Variants in ABLIM1 observed in about 807,000 individuals in gnomAD.
ABLIM1 encodes actin binding LIM protein 1, also known as actin-binding LIM protein 1.
A neutral mutation model predicts 107.0 loss-of-function variants in ABLIM1; 40 were observed. The ratio of observed to expected loss-of-function variants is 0.37; its 90% confidence interval spans 0.29 to 0.49. The LOEUF (loss-of-function observed/expected upper bound fraction) is 0.49, where lower values mean the gene tolerates loss of function less well. ABLIM1 is among the 20% of genes least tolerant of loss of function. ABLIM1 has a pLI of 0.97. For synonymous variants in ABLIM1, 357 were observed against 357.3 expected (o/e 1.00, Z 0.01); for missense variants, 857 against 1,008.5 (o/e 0.85, Z 2.04).
At chr10:114,443,995 T>C in intron 17 of ABLIM1, 34 bp downstream of exon 17, 1 of 1,563,932 alleles carries the variant, frequency 6.4e-7, no homozygotes, top group Non-Finnish European at 8.7e-7. Context: ...TGGCTGGCTC[T>C]CGAATCAGGG....
rs778516698 is a variant in ABLIM1, at chr10:114,601,827, C to T, written c.379G>A (p.Val127Met). Residue 127 changes from valine (V) to methionine (M), a missense_variant and splice_region_variant, in exon 2 of 23, where the codon GTG becomes ATG. Around this residue, in one of 5 missense-constraint regions of ABLIM1, gnomAD observed 176 missense variants for 173.5 expected, o/e 1.01. Coordinates refer to ENST00000533213, the MANE Select transcript of ABLIM1 (RefSeq NM_002313.7). ...HFHIKCFTCK[V>M]CGCDLAQGGF... The stretch of plus-strand genomic sequence containing the variant: ...AGCCACGAAGCTGGAGGCACCATAC[C>T]TTTGCAGGTGAAACACTTGATGTGG... 1 of 1,614,174 alleles carries T rather than the reference C, an allele frequency of 6.2e-7. No homozygotes were observed. Among genetic ancestry groups the T allele is most frequent in the Non-Finnish European group, 8.5e-7 (1 of 1,180,022 alleles).
intron 6 of ABLIM1, among the ~76,000 whole-genome samples, chr10:114,492,546 C>T (rs1033024372): frequency 4.6e-5 from 7 of 152,106 alleles, no homozygotes; most frequent in Non-Finnish European, 8.8e-5. Flanking sequence ...TGTTGACTTC[C>T]CCAAAGCAAA....
rs932975621 is a variant in ABLIM1 at position 114,439,909 on chromosome 10, T to C, written c.2067+173A>G. On this transcript the variant is annotated intron_variant, in intron 20 of 22. Coordinates refer to ENST00000533213, the MANE Select transcript of ABLIM1 (RefSeq NM_002313.7). ...GTCCCCAAGGCCTGCAGGGACAGCT[T>C]GACCCAGGCACCAGGCATGTCTGCT... is the stretch of plus-strand genomic sequence containing the variant. 3.5e-6 allele frequency: 4 copies of C among 1,144,256 alleles called. No homozygotes were observed. The Admixed American group carries it at 7.0e-5, about 20-fold the overall frequency. 70.9% of individuals were successfully genotyped at this position (1,144,256 alleles called of 1,614,324 possible).
chr10:114,774,197 A>G, the ABLIM1 span, among the ~76,000 whole-genome samples: 18,234 of 152,200 alleles, frequency 0.12, 1,651 homozygotes, highest in East Asian at 0.45. Context: ...GTCTTCCCAA[A>G]TCAAACAACA....
intron 6 of ABLIM1, among the ~76,000 whole-genome samples, chr10:114,509,630 AAAGTT>A (rs2061584578): frequency 6.6e-6 from 1 of 152,176 alleles, no homozygotes; most frequent in Non-Finnish European, 1.5e-5. Context: ...CCTACTGAAA[AAAGTT>A]AAGTTTTCTA....
rs550719731 is a variant in ABLIM1 at position 114,459,104 on chromosome 10, T to C, written c.1442-5621A>G. On this transcript the variant is annotated intron_variant, in intron 12 of 22. Transcript: ENST00000533213. ...AGTGAGGCCCCAGGCCTGGGTCACA[T>C]GCTGCAAAAACAAGGAACAGGAAGT... Among the ~76,000 whole-genome samples the C allele has an allele frequency of 4.6e-5, 7 of 152,322 alleles. No individual in the cohort carries two copies. The East Asian group carries it at 1.2e-3, about 25-fold the overall frequency.
At chr10:114,798,353 G>A in the ABLIM1 span, among the ~76,000 whole-genome samples, 1 of 152,094 alleles carries the variant, frequency 6.6e-6, no homozygotes, top group African/African-American at 2.4e-5. Flanking sequence ...GAACCCAGGA[G>A]GCAGAGGTTG....
chr10:114,530,597 G>C (rs888968301), intron 6 of ABLIM1, among the ~76,000 whole-genome samples: 6 of 152,222 alleles, frequency 3.9e-5, no homozygotes, highest in African/African-American at 1.4e-4. Flanking sequence ...GCAGTAGGGT[G>C]ATCTCGGCTT....
intron 6 of ABLIM1, among the ~76,000 whole-genome samples, chr10:114,497,148 C>A (rs1590451442): frequency 6.6e-6 from 1 of 152,192 alleles, no homozygotes; most frequent in African/African-American, 2.4e-5. Context: ...AGATAATAAG[C>A]TTGCAATTCA....
intron 1 of ABLIM1, among the ~76,000 whole-genome samples, chr10:114,666,712 A>G (rs990792364): frequency 3.3e-5 from 5 of 152,196 alleles, no homozygotes; most frequent in Admixed American, 1.3e-4. Flanking sequence ...GATATCCTTG[A>G]TAGTTCCTGG....
At chr10:114,478,807 T>C (rs906117216) in intron 8 of ABLIM1, among the ~76,000 whole-genome samples, 3 of 152,242 alleles carry the variant, frequency 2.0e-5, no homozygotes, top group African/African-American at 4.8e-5. Flanking sequence ...ACTGTTTGTT[T>C]TTGCTTCATT....
the ABLIM1 span, among the ~76,000 whole-genome samples, chr10:114,801,135 CA>C: frequency 1.3e-5 from 2 of 151,762 alleles, no homozygotes; most frequent in Admixed American, 6.6e-5. Flanking sequence ...AAAATGATGC[CA>C]GGGGTAGTGG....
At chr10:114,562,616 A>G (rs1269180135) in intron 4 of ABLIM1, among the ~76,000 whole-genome samples, 3 of 152,246 alleles carry the variant, frequency 2.0e-5, no homozygotes, top group African/African-American at 4.8e-5. Context: ...CCTGTTAAGT[A>G]AGGGAAAACA....
chr10:114,566,049 C>G (rs1445244971), intron 4 of ABLIM1, among the ~76,000 whole-genome samples: 2 of 152,174 alleles, frequency 1.3e-5, no homozygotes, highest in African/African-American at 4.8e-5. Context: ...CCTGCCTCGG[C>G]CTCCCAAAGT....
At chr10:114,652,344 G>T (rs781763266) in intron 1 of ABLIM1, among the ~76,000 whole-genome samples, 1 of 152,154 alleles carries the variant, frequency 6.6e-6, no homozygotes, top group Non-Finnish European at 1.5e-5. Context: ...CACACTAAAA[G>T]AAAAATATTA....
chr10:114,703,684 T>G lies in ABLIM1; in HGVS notation c.-213+64377A>C, dbSNP rs766081069. 3.2e-4 allele frequency among the ~76,000 whole-genome samples: 48 copies of G among 152,234 alleles called. 2 individuals are homozygous for G. The highest frequency in any genetic ancestry group is 3.2e-3 in the Middle Eastern group (1 of 316). On this transcript the variant is annotated intron_variant, in intron 1 of 15. Coordinates refer to the ABLIM1 transcript ENST00000651092. The stretch of plus-strand genomic sequence containing the variant: ...CAACGCCTCCAATGCACCTGGTCTG[T>G]GCTCCACACATTACATGCTCTATAA...
At chr10:114,641,023 AT>A (rs1352309024) in intron 1 of ABLIM1, among the ~76,000 whole-genome samples, 1 of 152,102 alleles carries the variant, frequency 6.6e-6, no homozygotes, top group Non-Finnish European at 1.5e-5. Flanking sequence ...GGTAATAACT[AT>A]TGTTATTTCA....
At chr10:114,663,716 G>A (rs1438025103) in intron 1 of ABLIM1, among the ~76,000 whole-genome samples, 5 of 152,220 alleles carry the variant, frequency 3.3e-5, no homozygotes, top group Non-Finnish European at 7.3e-5. Flanking sequence ...AGAGGCCCTG[G>A]CCAGCTGTGG....
intron 1 of ABLIM1, among the ~76,000 whole-genome samples, chr10:114,644,306 A>AAATATATAT (rs1408072252): frequency 1.3e-3 from 67 of 52,220 alleles, no homozygotes; most frequent in Non-Finnish European, 1.7e-3. Context: ...AAAAAAAAAA[A>AAATATATAT]ATATATATAT....
Sources: gnomAD v4.1 joint callset for allele counts (sites outside exome capture counted in the v4.1 genomes callset) on GRCh38, gnomAD v4.1.1 for gene constraint, gnomAD v4.1.1 regional missense constraint, MANE v1.5 for transcripts, NCBI Gene and HGNC (gene_info 2026-07-23, HGNC 2026-07-21) for gene names.